The following GRHL2 variants were observed in gnomAD, a reference collection of about 807,000 sequenced individuals.
The protein encoded by GRHL2 is grainyhead-like protein 2 homolog.
In GRHL2, 21 loss-of-function variants were observed where a neutral mutation model predicts 83.8. That is an observed-to-expected ratio of 0.25 (90% CI 0.18 to 0.36). The LOEUF (loss-of-function observed/expected upper bound fraction) is 0.36, where lower values mean the gene tolerates loss of function less well. GRHL2 is among the 10% of genes least tolerant of loss of function. GRHL2 has a pLI of 1.00. For missense variants in GRHL2, 623 were observed against 781.8 expected, an observed-to-expected ratio of 0.80 and a Z score of 2.42; for synonymous variants, 280 against 278.9, an observed-to-expected ratio of 1.00 and a Z score of -0.04.
chr8:101,615,473 T>C (rs1377075532), intron 8 of GRHL2, among the ~76,000 whole-genome samples: 1 of 152,190 alleles, frequency 6.6e-6, no homozygotes, highest in African/African-American at 2.4e-5. Flanking sequence ...CTGGCTCCTG[T>C]AGTTCTAGGC....
Position 101,543,251 on chromosome 8 carries a change from C to T in GRHL2, c.31C>T (p.Leu11=). ...CTCTTGTTTTTACAGTAATAAAAGACTAGTGGCCTTAGTGCCCATGCCCAG... is the reference window on the plus strand; with the variant it reads ...CTCTTGTTTTTACAGTAATAAAAGATTAGTGGCCTTAGTGCCCATGCCCAG... The part of the protein sequence containing the change: MSQESDNNKR[L]VALVPMPSDP... Residue 11 remains leucine (L), a synonymous_variant, in exon 2 of 16, where the codon CTA becomes TTA. Coordinates refer to ENST00000646743, the MANE Select transcript of GRHL2 (RefSeq NM_024915.4). 1 of 1,613,728 alleles carries T rather than the reference C, an allele frequency of 6.2e-7. No individual in the cohort carries two copies. The highest frequency in any genetic ancestry group is 1.1e-5 in the South Asian group (1 of 91,080).
intron 13 of GRHL2, among the ~76,000 whole-genome samples, chr8:101,648,697 G>A (rs896731159): frequency 7.2e-5 from 11 of 152,068 alleles, no homozygotes; most frequent in African/African-American, 2.2e-4. Flanking sequence ...ACAGTGCCCC[G>A]TCTCCCTCCC....
At chr8:101,600,510 T>G (rs1472643338) in intron 8 of GRHL2, among the ~76,000 whole-genome samples, 3 of 152,204 alleles carry the variant, frequency 2.0e-5, no homozygotes, top group Non-Finnish European at 1.5e-5. Flanking sequence ...AGTGCCTCCT[T>G]ATTCCAGCCA....
intron 1 of GRHL2, among the ~76,000 whole-genome samples, chr8:101,500,503 A>G (rs1449182181): frequency 6.6e-6 from 1 of 152,142 alleles, no homozygotes; most frequent in African/African-American, 2.4e-5. Context: ...GGTAATAACA[A>G]AAGTGTATAT....
intron 14 of GRHL2, among the ~76,000 whole-genome samples, chr8:101,654,026 C>G (rs974980268): frequency 6.6e-6 from 1 of 152,164 alleles, no homozygotes; most frequent in Non-Finnish European, 1.5e-5. Context: ...AGTTTTAAAC[C>G]AAGACGTGGC....
At chr8:101,640,633 C>G (rs981682050) in intron 12 of GRHL2, among the ~76,000 whole-genome samples, 2 of 152,138 alleles carry the variant, frequency 1.3e-5, no homozygotes, top group African/African-American at 4.8e-5. Flanking sequence ...TTGGAAACCC[C>G]TCTTGCCCTG....
chr8:101,558,801 G>A lies in GRHL2; in HGVS notation c.667G>A (p.Ala223Thr). ...CACATACAGCGAGAGCTTCAAGGACGCAGCCACAGAGGTGAGTCCCAGGCT... is the reference window on the plus strand; with the variant it reads ...CACATACAGCGAGAGCTTCAAGGACACAGCCACAGAGGTGAGTCCCAGGCT... ...DSTYSESFKDAATEKFRSASV... is the reference protein window; with the variant it reads ...DSTYSESFKDTATEKFRSASV... The change falls in exon 4 of 16, where the codon GCA becomes ACA. Residue 223 changes from alanine to threonine, a missense_variant. Ala to Thr is a moderately conservative substitution (Grantham distance 58). Coordinates refer to ENST00000646743, the MANE Select transcript of GRHL2 (RefSeq NM_024915.4). 3 of 1,613,986 alleles carry A rather than the reference G, an allele frequency of 1.9e-6. No homozygotes were observed. The highest frequency in any genetic ancestry group is 2.5e-6 in the Non-Finnish European group (3 of 1,179,970).
chr8:101,494,620 T>G (rs1810057395), intron 1 of GRHL2, among the ~76,000 whole-genome samples: 1 of 152,206 alleles, frequency 6.6e-6, no homozygotes, highest in African/African-American at 2.4e-5. Context: ...GCGTCAAAGA[T>G]GATTGCAAAT....
At chr8:101,597,886 C>T (rs922221774) in intron 7 of GRHL2, among the ~76,000 whole-genome samples, 7 of 151,412 alleles carry the variant, frequency 4.6e-5, no homozygotes, top group Non-Finnish European at 1.0e-4. Context: ...AGGTTAGATC[C>T]GAAAAGGTCT....
chr8:101,547,540 C>T (rs999172028), intron 2 of GRHL2, among the ~76,000 whole-genome samples: 1 of 152,184 alleles, frequency 6.6e-6, no homozygotes, highest in Non-Finnish European at 1.5e-5. Flanking sequence ...TCATAAATTT[C>T]AAGGTCTTTT....
intron 9 of GRHL2, among the ~76,000 whole-genome samples, chr8:101,630,765 G>T (rs1392682413): frequency 6.6e-6 from 1 of 152,176 alleles, no homozygotes; most frequent in African/African-American, 2.4e-5. Context: ...TCCACAGCAA[G>T]AGTAGAGATA....
intron 1 of GRHL2, among the ~76,000 whole-genome samples, chr8:101,529,843 G>A (rs1810885227): frequency 6.6e-6 from 1 of 152,146 alleles, no homozygotes; most frequent in South Asian, 2.1e-4. Flanking sequence ...GAGGATGCCT[G>A]GAGGGTCCTT....
rs550329078 is a variant in GRHL2 at position 101,665,707 on chromosome 8, C to T, written c.1764-882C>T. 4.6e-5 allele frequency among the ~76,000 whole-genome samples: 7 copies of T among 152,246 alleles called. No homozygotes were observed. In the South Asian group the frequency reaches 1.2e-3, roughly 27 times the overall value. On this transcript the variant is annotated intron_variant, in intron 15 of 15. Coordinates refer to ENST00000646743, the MANE Select transcript of GRHL2 (RefSeq NM_024915.4). ...AAATGTTTTTATCATAAAAACAATCCGTTAAAGCTAAGTGACTGTTCTTAT... is the reference window on the plus strand; with the variant it reads ...AAATGTTTTTATCATAAAAACAATCTGTTAAAGCTAAGTGACTGTTCTTAT...
intron 6 of GRHL2, among the ~76,000 whole-genome samples, chr8:101,575,599 G>A (rs1811917879): frequency 6.6e-6 from 1 of 152,154 alleles, no homozygotes; most frequent in African/African-American, 2.4e-5. Flanking sequence ...CCAAGTCAAA[G>A]CATGTAGGGC....
At chr8:101,656,080 T>G (rs1476145276) in intron 14 of GRHL2, among the ~76,000 whole-genome samples, 1 of 152,230 alleles carries the variant, frequency 6.6e-6, no homozygotes, top group Non-Finnish European at 1.5e-5. Flanking sequence ...CCCACGTAAA[T>G]AGCATCTTCA....
chr8:101,652,467 GGT>G (rs556986627), intron 14 of GRHL2, among the ~76,000 whole-genome samples: 23 of 29,306 alleles, frequency 7.8e-4, no homozygotes, highest in South Asian at 2.5e-3. Context: ...TGGTGTGTGT[GGT>G]GTGTGTGTGG....
intron 7 of GRHL2, among the ~76,000 whole-genome samples, chr8:101,594,524 C>T (rs1812352994): frequency 6.6e-6 from 1 of 152,186 alleles, no homozygotes; most frequent in African/African-American, 2.4e-5. Flanking sequence ...CATCTGTTAC[C>T]ATTTTATTTG....
intron 11 of GRHL2, among the ~76,000 whole-genome samples, chr8:101,635,262 A>G (rs1813263430): frequency 1.3e-5 from 2 of 152,308 alleles, no homozygotes; most frequent in East Asian, 3.9e-4. Flanking sequence ...AGATATTTCT[A>G]TGCACTCTAA....
chr8:101,632,850 T>C (rs1813214126), intron 11 of GRHL2, among the ~76,000 whole-genome samples: 2 of 152,132 alleles, frequency 1.3e-5, no homozygotes. Context: ...AAAAGAAAAA[T>C]GAGGTTGTAG....
Sources: gnomAD v4.1 joint callset for allele counts (sites outside exome capture counted in the v4.1 genomes callset) on GRCh38, gnomAD v4.1.1 for gene constraint, MANE v1.5 for transcripts, NCBI Gene and HGNC (gene_info 2026-07-23, HGNC 2026-07-21) for gene names.